ZNF263: variants seen among roughly 807,000 people sequenced by gnomAD.
ZNF263 encodes zinc finger protein 263, also known as zinc finger protein FPM315.
ZNF263 carries 49 observed loss-of-function variants against 63.1 expected under a neutral mutation model. The observed-to-expected ratio is 0.78, with a 90% confidence interval of 0.62 to 0.99. The LOEUF (loss-of-function observed/expected upper bound fraction) is 0.99, where lower values mean the gene tolerates loss of function less well. Ranked by LOEUF, ZNF263 falls within the 50% of genes least tolerant of loss-of-function variation. The pLI, the probability that ZNF263 is intolerant of heterozygous loss-of-function variation, is 0.00. For synonymous variants in ZNF263, 352 were observed against 324.2 expected (o/e 1.09, Z -0.92); for missense variants, 872 against 854.8 (o/e 1.02, Z -0.25).
Position 3,283,702 on chromosome 16 carries a change from G to T in ZNF263, c.-117G>T, listed in dbSNP as rs1341595820. 1 of 1,383,524 alleles carries T rather than the reference G, an allele frequency of 7.2e-7. No individual in the cohort carries two copies. Among genetic ancestry groups the T allele is most frequent in the Non-Finnish European group, 9.3e-7 (1 of 1,073,250 alleles). The allele number at this position is 1,383,524 out of a possible 1,614,324, so 85.7% of individuals were successfully genotyped here. ...GGCTGGAGCGGGGCTCCTCGGCCTG[G>T]ACTGGGAGCCCCCGGCCCCGGGCTC... On this transcript the variant is annotated 5_prime_UTR_variant, in exon 1 of 6. Coordinates refer to ENST00000219069, the MANE Select transcript of ZNF263 (RefSeq NM_005741.5).
At chr16:3,293,444 G>GT (rs1199972222), downstream of ZNF263, 1 of 152,204 alleles carries the variant, frequency 6.6e-6, no homozygotes, top group African/African-American at 2.4e-5. Context: ...TGAGAACTAG[G>GT]TCACTGCAAG....
intron 2 of ZNF263, 90 bp from the exon 3 acceptor site, chr16:3,285,591 G>C: frequency 3.1e-6 from 4 of 1,307,424 alleles, no homozygotes. Context: ...GCAGAGGCTG[G>C]GTGTTGGGGA....
chr16:3,295,506 C>T (rs959338022), downstream of ZNF263, among the ~76,000 whole-genome samples: 19 of 152,220 alleles, frequency 1.2e-4, no homozygotes, highest in Non-Finnish European at 2.8e-4. Context: ...GGCGCACCTG[C>T]ACCCTCTAAA....
chr16:3,283,594 G>T lies in ZNF263; in HGVS notation c.-225G>T, dbSNP rs534208300. On this transcript the variant is annotated 5_prime_UTR_variant, in exon 1 of 6. Transcript: ENST00000219069. The stretch of plus-strand genomic sequence containing the variant: ...GGCGCTCGGTTCCTGCCTCGGGGAA[G>T]TCCTGGCGCAGATGGGCCACGGGGC... 41 of 511,284 alleles carry T rather than the reference G, an allele frequency of 8.0e-5. No homozygotes were observed. The South Asian group carries it at 2.8e-3, about 35-fold the overall frequency. The allele number at this position is 511,284 out of a possible 1,614,324, so 31.7% of individuals were successfully genotyped here. A position where few individuals can be genotyped will look rare whatever the true frequency, so the allele number is the denominator to read the frequency against.
chr16:3,286,181 C>T lies in ZNF263; in HGVS notation c.769+32C>T, dbSNP rs370948630. ...ACTTCTTTTCCAGGGATGATGACTG[C>T]GCCATTTCTGACCAGGGTCCTGCCC... is the stretch of plus-strand genomic sequence containing the variant. On this transcript the variant is annotated intron_variant, in intron 4 of 5. Transcript: ENST00000219069. 1.0e-5 allele frequency: 16 copies of T among 1,560,434 alleles called. No individual in the cohort carries two copies. In the East Asian group the frequency reaches 1.1e-4, roughly 11 times the overall value.
In ZNF263 at chr16:3,290,231, T is replaced by C. The variant is rs1405071535; in HGVS notation, c.1725T>C (p.Phe575=). The change falls in exon 6 of 6, where the codon TTT becomes TTC. Residue 575 remains phenylalanine (F), a synonymous_variant. Transcript: ENST00000219069. ...HGAHKAEKKL[F]ECLTCGKSFR... is the part of the protein sequence containing the mutation. ...CCCATAAGGCAGAGAAGAAGCTCTT[T>C]GAATGTTTGACTTGTGGGAAAAGCT... 6.2e-7 allele frequency: 1 copy of C among 1,614,174 alleles called. No homozygotes were observed. The highest frequency in any genetic ancestry group is 2.2e-5 in the East Asian group (1 of 44,876).
At chr16:3,294,271 T>TA (rs896313714), downstream of ZNF263, among the ~76,000 whole-genome samples, 10 of 152,348 alleles carry the variant, frequency 6.6e-5, no homozygotes, top group African/African-American at 2.4e-4. Flanking sequence ...CATTAACTGA[T>TA]ACTACTTTGG....
chr16:3,285,018 G>C (rs201325219), intron 1 of ZNF263, 41 bp from the exon 2 acceptor site: 1 of 1,607,184 alleles, frequency 6.2e-7, no homozygotes, highest in East Asian at 2.2e-5. Context: ...CCTTCCTCTT[G>C]GGCCCTGTTG....
chr16:3,300,247 G>T (rs375669196), intron 2 of ZNF263: 1 of 1,614,188 alleles, frequency 6.2e-7, no homozygotes, highest in Non-Finnish European at 8.5e-7. Flanking sequence ...AAGCCAACCA[G>T]TGCTAGCTTT....
chr16:3,289,268 A>C (rs1238956378), intron 5 of ZNF263, 125 bp from the exon 6 acceptor site: 6 of 987,954 alleles, frequency 6.1e-6, no homozygotes, highest in Non-Finnish European at 7.2e-6. Context: ...TTAGGAGAGG[A>C]TGGGATTCTG....
Position 3,284,085 on chromosome 16 carries a change from C to G in ZNF263, c.267C>G (p.Phe89Leu). 6.2e-7 allele frequency: 1 copy of G among 1,613,470 alleles called. No homozygotes were observed. Among genetic ancestry groups the G allele is most frequent in the South Asian group, 1.1e-5 (1 of 91,046 alleles). The change falls in exon 1 of 6, where the codon TTC becomes TTG. Residue 89 changes from phenylalanine to leucine, a missense_variant. Coordinates refer to ENST00000219069, the MANE Select transcript of ZNF263 (RefSeq NM_005741.5). The stretch of plus-strand genomic sequence containing the variant: ...TGGAGCTGCTGGTGTTAGAGCAGTT[C>G]CTGACCATCCTGCCCCAGGAGATCC... The part of the protein sequence containing the change: ...QILELLVLEQ[F>L]LTILPQEIQS...
chr16:3,299,918 T>G (rs771058701), intron 2 of ZNF263: 11 of 1,612,010 alleles, frequency 6.8e-6, no homozygotes, highest in African/African-American at 1.3e-5. Context: ...TTGGGCAGTT[T>G]TGATTTTCCA....
At chr16:3,287,186 C>T (rs773371482) in intron 4 of ZNF263, among the ~76,000 whole-genome samples, 4 of 152,232 alleles carry the variant, frequency 2.6e-5, no homozygotes, top group Non-Finnish European at 4.4e-5. Context: ...ATCTTGCTCA[C>T]TGCAACCTCT....
chr16:3,289,646 TC>T lies in ZNF263; in HGVS notation c.1143del (p.Leu382CysfsTer12), dbSNP rs746793559. 6.2e-7 allele frequency: 1 copy of T among 1,614,204 alleles called. No homozygotes were observed. The highest frequency in any genetic ancestry group is 8.5e-7 in the Non-Finnish European group (1 of 1,180,038). On this transcript the variant is annotated frameshift_variant, in exon 6 of 6. Coordinates refer to ENST00000219069, the MANE Select transcript of ZNF263 (RefSeq NM_005741.5). LOFTEE classifies it high-confidence loss of function. ...TGCAGCCAAAGAAACTCCATTTATG[TC>T]CCTTGTGTGGCAAAAATTTCTCTAA... ...ELQPKKLHLC[P>X]LCGKNFSNNS...
chr16:3,291,434 G>C lies in ZNF263; in HGVS notation c.*876G>C, dbSNP rs1211007533. The C allele has an allele frequency of 8.1e-6, 8 of 985,400 alleles. No homozygotes were observed. In the East Asian group the frequency reaches 9.1e-4, roughly 112 times the overall value. 61.0% of individuals were successfully genotyped at this position (985,400 alleles called of 1,614,324 possible). On this transcript the variant is annotated 3_prime_UTR_variant, in exon 6 of 6. Transcript: ENST00000219069. ...TTTCCCTGTTGAAAATGTTTGGATG[G>C]GAATAAATATCTTCAGGAAACATAA...
intron 1 of ZNF263, among the ~76,000 whole-genome samples, chr16:3,297,607 G>A (rs934413682): frequency 7.9e-5 from 12 of 151,828 alleles, no homozygotes; most frequent in Non-Finnish European, 1.6e-4. Context: ...TGGGACTACA[G>A]GCGCCTGCCA....
At chr16:3,295,418 C>CTCCGGTGTATGGTGTAT (rs1202768684), downstream of ZNF263, among the ~76,000 whole-genome samples, 2 of 152,150 alleles carry the variant, frequency 1.3e-5, no homozygotes, top group African/African-American at 4.8e-5. Context: ...CCCGCCCGGG[C>CTCCGGTGTATGGTGTAT]GGTGTATGGT....
At chr16:3,295,562 G>C (rs972515125), downstream of ZNF263, among the ~76,000 whole-genome samples, 1 of 152,254 alleles carries the variant, frequency 6.6e-6, no homozygotes, top group South Asian at 2.1e-4. Flanking sequence ...GCGGAGGGCC[G>C]AGCTGGGGTG....
chr16:3,299,464 G>A lies in ZNF263; in HGVS notation c.*46+308G>A, dbSNP rs747571685. 1.7e-5 allele frequency: 26 copies of A among 1,548,748 alleles called. No homozygotes were observed. The Admixed American group carries it at 5.5e-4, about 33-fold the overall frequency. On this transcript the variant is annotated intron_variant, in intron 2 of 2. Transcript: ENST00000574674. ...TTGTTTTACTTCTTCCCAACTTTTTGCCCAGTTAAAAATTGCACTTTTTAT... is the reference window on the plus strand; with the variant it reads ...TTGTTTTACTTCTTCCCAACTTTTTACCCAGTTAAAAATTGCACTTTTTAT...
Sources: allele counts gnomAD v4.1 joint callset (sites outside exome capture counted in the v4.1 genomes callset), GRCh38; gene constraint gnomAD v4.1.1; transcripts MANE v1.5; gene names NCBI Gene and HGNC (gene_info 2026-07-23, HGNC 2026-07-21).